MAGI1: variants seen among roughly 807,000 people sequenced by gnomAD.
MAGI1 encodes the protein membrane-associated guanylate kinase, WW and PDZ domain-containing protein 1.
MAGI1 carries 58 observed loss-of-function variants against 139.9 expected under a neutral mutation model. The ratio of observed to expected loss-of-function variants is 0.41; its 90% CI spans 0.34 to 0.52. The LOEUF (loss-of-function observed/expected upper bound fraction) is 0.52, where lower values mean the gene tolerates loss of function less well. MAGI1 is among the 20% of genes least tolerant of loss of function. MAGI1 has a pLI of 0.12. For synonymous variants in MAGI1, 812 were observed against 737.9 expected (o/e 1.10, Z -1.63); for missense variants, 1,874 against 1,901.6 (o/e 0.99, Z 0.27).
At chr3:65,717,596 T>C (rs1330380105) in intron 1 of MAGI1, 1 of 152,196 alleles carries the variant, frequency 6.6e-6, no homozygotes, top group Non-Finnish European at 1.5e-5. Flanking sequence ...CACGTACAAA[T>C]ATATGTGCCT....
At chr3:65,367,580 T>C (rs1473896908) in intron 18 of MAGI1, among the ~76,000 whole-genome samples, 5 of 152,168 alleles carry the variant, frequency 3.3e-5, no homozygotes, top group Non-Finnish European at 5.9e-5. Flanking sequence ...CTGTGCTAAG[T>C]CCATTACCAC....
chr3:65,478,147 C>T (rs540736444), intron 4 of MAGI1, among the ~76,000 whole-genome samples: 1 of 152,090 alleles, frequency 6.6e-6, no homozygotes, highest in African/African-American at 2.4e-5. Context: ...TAAGAGGATG[C>T]TGCTGGCCTT....
intron 4 of MAGI1, among the ~76,000 whole-genome samples, chr3:65,471,519 C>G (rs1950558870): frequency 6.6e-6 from 1 of 152,112 alleles, no homozygotes; most frequent in Non-Finnish European, 1.5e-5. Flanking sequence ...CATGCCAAGC[C>G]TACTAAACTA....
At chr3:65,444,799 A>G (rs971408046) in intron 7 of MAGI1, among the ~76,000 whole-genome samples, 4 of 152,196 alleles carry the variant, frequency 2.6e-5, no homozygotes, top group Non-Finnish European at 5.9e-5. Flanking sequence ...GTCAACTGGC[A>G]TATCTGGACA....
At chr3:65,623,473 C>T (rs1345445428) in intron 1 of MAGI1, among the ~76,000 whole-genome samples, 1 of 152,162 alleles carries the variant, frequency 6.6e-6, no homozygotes, top group Admixed American at 6.5e-5. Flanking sequence ...CTAGCATTCA[C>T]TCTTAATGGA....
At chr3:65,822,732 C>T (rs1032758476) in intron 1 of MAGI1, among the ~76,000 whole-genome samples, 1 of 152,052 alleles carries the variant, frequency 6.6e-6, no homozygotes, top group African/African-American at 2.4e-5. Context: ...CTTACAATGG[C>T]AGGAGTATGA....
At chr3:65,961,095 C>T (rs1268880643) in intron 1 of MAGI1, among the ~76,000 whole-genome samples, 1 of 152,146 alleles carries the variant, frequency 6.6e-6, no homozygotes, top group Non-Finnish European at 1.5e-5. Flanking sequence ...CTTTGAATTT[C>T]CATGACACCA....
intron 1 of MAGI1, among the ~76,000 whole-genome samples, chr3:65,763,227 T>C (rs905422852): frequency 6.6e-6 from 1 of 152,202 alleles, no homozygotes; most frequent in Non-Finnish European, 1.5e-5. Context: ...AAAATAATTC[T>C]TACCTTCCTT....
chr3:65,863,534 C>A (rs2059622998), intron 1 of MAGI1, among the ~76,000 whole-genome samples: 1 of 152,150 alleles, frequency 6.6e-6, no homozygotes, highest in South Asian at 2.1e-4. Flanking sequence ...AAAAGTGAGA[C>A]CACTTCCTTG....
intron 1 of MAGI1, among the ~76,000 whole-genome samples, chr3:65,936,512 G>T (rs1018228090): frequency 1.3e-5 from 2 of 151,004 alleles, no homozygotes; most frequent in Non-Finnish European, 1.5e-5. Context: ...GCTGGTACAC[G>T]CCTGTAATCC....
chr3:65,620,723 C>T (rs11718628), intron 2 of MAGI1, among the ~76,000 whole-genome samples: 53,066 of 152,074 alleles, frequency 0.35, 10,353 homozygotes, highest in Non-Finnish European at 0.44. Flanking sequence ...TCACAACCTC[C>T]TCTCCGTCAA....
chr3:65,410,931 C>G (rs1945746376), intron 12 of MAGI1, among the ~76,000 whole-genome samples: 1 of 152,140 alleles, frequency 6.6e-6, no homozygotes, highest in Non-Finnish European at 1.5e-5. Context: ...CTGACGCTAC[C>G]TAATAACAAA....
intron 13 of MAGI1, among the ~76,000 whole-genome samples, chr3:65,399,386 C>T (rs1040902859): frequency 6.6e-6 from 1 of 152,178 alleles, no homozygotes; most frequent in African/African-American, 2.4e-5. Context: ...CTGTACAGAA[C>T]TCTCACTGAT....
At chr3:65,500,782 C>T (rs2077050824) in intron 2 of MAGI1, among the ~76,000 whole-genome samples, 1 of 152,166 alleles carries the variant, frequency 6.6e-6, no homozygotes, top group Non-Finnish European at 1.5e-5. Context: ...ATTACATTGT[C>T]AATATTCCAT....
At chr3:65,419,231 C>CACACACACACACACACACACACACACAT (rs145284205) in intron 12 of MAGI1, among the ~76,000 whole-genome samples, 1 of 150,778 alleles carries the variant, frequency 6.6e-6, no homozygotes, top group East Asian at 2.0e-4. Context: ...TACACACACA[C>CACACACACACACACACACACACACACAT]ACACACACAC....
chr3:65,731,702 T>C (rs976890338), intron 1 of MAGI1, among the ~76,000 whole-genome samples: 1 of 151,274 alleles, frequency 6.6e-6, no homozygotes, highest in Non-Finnish European at 1.5e-5. Context: ...ATTTACATTA[T>C]CATGCATAAA....
intron 1 of MAGI1, among the ~76,000 whole-genome samples, chr3:65,958,655 G>A (rs1349546423): frequency 1.3e-5 from 2 of 152,228 alleles, no homozygotes; most frequent in East Asian, 3.9e-4. Flanking sequence ...CCCATATATC[G>A]GAGGTTTAAA....
At chr3:65,743,266 C>T (rs1415822779) in intron 1 of MAGI1, among the ~76,000 whole-genome samples, 1 of 152,188 alleles carries the variant, frequency 6.6e-6, no homozygotes, top group Non-Finnish European at 1.5e-5. Context: ...TTATACCAAG[C>T]TTTTACTATG....
intron 1 of MAGI1, among the ~76,000 whole-genome samples, chr3:65,795,173 C>A (rs1480303527): frequency 6.6e-6 from 1 of 152,146 alleles, no homozygotes; most frequent in African/African-American, 2.4e-5. Context: ...CATTTATGTT[C>A]AAACACACAA....
Sources: gnomAD v4.1 joint callset for allele counts (sites outside exome capture counted in the v4.1 genomes callset) on GRCh38, gnomAD v4.1.1 for gene constraint, MANE v1.5 for transcripts, NCBI Gene and HGNC (gene_info 2026-07-23, HGNC 2026-07-21) for gene names.